The following EBF4 variants were observed in gnomAD, a reference collection of about 807,000 sequenced individuals.
The protein encoded by EBF4 is transcription factor COE4.
Under a neutral mutation model 67.1 loss-of-function variants are expected in EBF4, and 34 were observed. The observed-to-expected ratio is 0.51, with a 90% CI of 0.39 to 0.67. The LOEUF is 0.67. Among genes scored for constraint, EBF4 ranks in the 30% least tolerant of loss-of-function variants. The probability of loss-of-function intolerance (pLI) is 0.00; values close to 1 mark genes in which losing one functional copy is unlikely to be tolerated. For missense variants in EBF4, 837 were observed against 873.3 expected (o/e 0.96, Z 0.52); for synonymous variants, 387 against 377.7 (o/e 1.02, Z -0.29).
Position 2,707,423 on chromosome 20 carries a change from AG to A in EBF4, c.415-521del, listed in dbSNP as rs2087474183. 6.6e-6 allele frequency among the ~76,000 whole-genome samples: 1 copy of A among 152,130 alleles called. No homozygotes were observed. The highest frequency in any genetic ancestry group is 6.5e-5 in the Admixed American group (1 of 15,276). On this transcript the variant is annotated intron_variant, in intron 4 of 16. Transcript: ENST00000609451. The surrounding 1 kb of genome is among the most constrained non-coding windows in gnomAD (Gnocchi z 4.6). ...CCCAGGGGAAGACCGAGCCTGGGCTAGGGATGGTATGGGGGAAGAGGCGATA... is the reference window on the plus strand; with the variant it reads ...CCCAGGGGAAGACCGAGCCTGGGCTAGGATGGTATGGGGGAAGAGGCGATA...
intron 1 of EBF4, among the ~76,000 whole-genome samples, chr20:2,699,941 A>G (rs1201103962): frequency 6.6e-6 from 1 of 152,200 alleles, no homozygotes; most frequent in African/African-American, 2.4e-5. Flanking sequence ...ACCATTGGTC[A>G]AGGCTCTGCC....
At position 2,752,383 on chromosome 20, in the gene EBF4, TC is replaced by T; in HGVS notation, c.1384del (p.Arg462AlafsTer85). On this transcript the variant is annotated frameshift_variant, in exon 14 of 17. Transcript: ENST00000609451. LOFTEE classifies it high-confidence loss of function. ...CTACGCGCGCAGCTGCAGCAGCGCG[TC>T]CCCCCGCGGGTTCGCGCCCAGCCCC... 4.8e-6 allele frequency: 6 copies of T among 1,244,692 alleles called. No homozygotes were observed. Among genetic ancestry groups the T allele is most frequent in the South Asian group, 3.1e-5 (1 of 32,444 alleles). The allele number at this position is 1,244,692 out of a possible 1,614,324, so 77.1% of individuals were successfully genotyped here.
exon 2 of EBF4, chr20:2,705,711 T>A: frequency 6.4e-7 from 1 of 1,551,040 alleles, no homozygotes; most frequent in Non-Finnish European, 8.7e-7. Flanking sequence ...ACAGCCTTCA[T>A]CGACTTCGTG....
At chr20:2,723,856 C>T (rs2087716518) in intron 6 of EBF4, among the ~76,000 whole-genome samples, 1 of 151,436 alleles carries the variant, frequency 6.6e-6, no homozygotes, top group Non-Finnish European at 1.5e-5. Flanking sequence ...CTATTTGTTC[C>T]ACTTCTATGT....
At position 2,701,993 on chromosome 20, in the gene EBF4, G is replaced by T. The variant is rs188918617; in HGVS notation, c.138-3584G>T. On this transcript the variant is annotated intron_variant, in intron 1 of 16. Transcript: ENST00000609451. ...CTTAGGGCTTCCCTGCCTCTTGCTG[G>T]CTGGGGAGCGGGTGAGGGGCGATCA... 3.5e-3 allele frequency among the ~76,000 whole-genome samples: 537 copies of T among 152,320 alleles called. 2 individuals carry two copies. Among genetic ancestry groups the T allele is most frequent in the Non-Finnish European group, 5.8e-3 (394 of 68,024 alleles).
intron 6 of EBF4, among the ~76,000 whole-genome samples, chr20:2,738,834 A>G (rs920015879): frequency 1.3e-5 from 2 of 152,208 alleles, no homozygotes; most frequent in Non-Finnish European, 2.9e-5. Context: ...TGTGCATGCA[A>G]ATGCATGCAG....
intron 6 of EBF4, among the ~76,000 whole-genome samples, chr20:2,732,683 T>C (rs1319047663): frequency 6.6e-6 from 1 of 152,222 alleles, no homozygotes; most frequent in East Asian, 1.9e-4. Flanking sequence ...TGTAGTTTTC[T>C]TTTTTAATCC....
chr20:2,708,109 C>A (rs771749385), intron 5 of EBF4, 89 bp downstream of exon 5: 2 of 1,356,186 alleles, frequency 1.5e-6, no homozygotes, highest in Admixed American at 2.2e-5. Context: ...CCGCCCTTGC[C>A]CCTGGCTGCT....
At chr20:2,697,694 C>T (rs1363190252) in intron 1 of EBF4, among the ~76,000 whole-genome samples, 1 of 152,148 alleles carries the variant, frequency 6.6e-6, no homozygotes, top group Non-Finnish European at 1.5e-5. Context: ...GCACAAGGAC[C>T]CCCTGCCCCT....
chr20:2,713,208 C>T (rs2087565803), intron 6 of EBF4, among the ~76,000 whole-genome samples: 1 of 152,052 alleles, frequency 6.6e-6, no homozygotes. Context: ...AAGCAATATC[C>T]TTCAGGTGGC....
At position 2,746,779 on chromosome 20, in the gene EBF4, T is replaced by C. The variant is rs572882472; in HGVS notation, c.558-1770T>C. Among the ~76,000 whole-genome samples, 14 of 152,268 alleles carry C rather than the reference T, an allele frequency of 9.2e-5. No individual in the cohort carries two copies. The East Asian group carries it at 2.5e-3, about 27-fold the overall frequency. Reference sequence around the variant, plus strand: ...TTTGGGACTCTTGTATTTGCTTTAGTAAATAGTATGGTAAAAATATCTCCC... The same window carrying C: ...TTTGGGACTCTTGTATTTGCTTTAGCAAATAGTATGGTAAAAATATCTCCC... On this transcript the variant is annotated intron_variant, in intron 6 of 16. Transcript: ENST00000609451.
chr20:2,709,769 G>A lies in EBF4; in HGVS notation c.557+127G>A, dbSNP rs1195864732. 1.4e-5 allele frequency: 14 copies of A among 985,750 alleles called. No homozygotes were observed. In the Admixed American group the frequency reaches 2.4e-4, roughly 17 times the overall value. 61.1% of individuals were successfully genotyped at this position (985,750 alleles called of 1,614,324 possible). ...CCCCCCCGGGGCACCAGGTTGGGTGGCTCTGAGCAGAGAGGGAAACTGCCA... is the reference window on the plus strand; with the variant it reads ...CCCCCCCGGGGCACCAGGTTGGGTGACTCTGAGCAGAGAGGGAAACTGCCA... On this transcript the variant is annotated intron_variant, in intron 6 of 16. Coordinates refer to ENST00000609451, the Ensembl canonical transcript of EBF4.
At chr20:2,698,254 G>C (rs1415006644) in intron 1 of EBF4, among the ~76,000 whole-genome samples, 1 of 152,232 alleles carries the variant, frequency 6.6e-6, no homozygotes, top group African/African-American at 2.4e-5. Flanking sequence ...AGAGGGGATA[G>C]GGACCCTCCC....
At chr20:2,752,810 A>G (rs1845187631) in intron 14 of EBF4, among the ~76,000 whole-genome samples, 2 of 152,202 alleles carry the variant, frequency 1.3e-5, no homozygotes, top group Non-Finnish European at 2.9e-5. Context: ...CGTTATGCAC[A>G]TCGCTTCTAG....
chr20:2,740,242 G>A (rs4813613), intron 6 of EBF4, among the ~76,000 whole-genome samples: 52,075 of 151,978 alleles, frequency 0.34, 9,294 homozygotes, highest in Admixed American at 0.47. Flanking sequence ...GAACCCAGGA[G>A]GTGGAGGTTG....
intron 6 of EBF4, among the ~76,000 whole-genome samples, chr20:2,743,275 C>G (rs2087994843): frequency 6.6e-6 from 1 of 152,186 alleles, no homozygotes; most frequent in African/African-American, 2.4e-5. Context: ...CCCTGGTGGG[C>G]AAGGAGAGGA....
chr20:2,697,244 A>G (rs1173285323), intron 1 of EBF4, among the ~76,000 whole-genome samples: 1 of 152,106 alleles, frequency 6.6e-6, no homozygotes, highest in Non-Finnish European at 1.5e-5. Flanking sequence ...GAAAGTTCTG[A>G]GCAAAAGAGG....
In EBF4 at chr20:2,741,008, T is replaced by C. The variant is rs1288779908; in HGVS notation, c.558-7541T>C. On this transcript the variant is annotated intron_variant, in intron 6 of 16. Transcript: ENST00000609451. ...AACTCACTGTAAAGTTCCTGGACGT[T>C]GTCTTCCAAAAGAAGCTCCAGGCCA... Among the ~76,000 whole-genome samples the C allele has an allele frequency of 2.0e-5, 3 of 152,212 alleles. No individual in the cohort carries two copies. The East Asian group carries it at 5.8e-4, about 29-fold the overall frequency.
rs2087336582 is a variant in EBF4, at chr20:2,698,959, G to A, written c.137+5177G>A. 2.6e-5 allele frequency among the ~76,000 whole-genome samples: 4 copies of A among 152,132 alleles called. No individual in the cohort carries two copies. The South Asian group carries it at 8.3e-4, about 32-fold the overall frequency. ...CCTCTGTGGGATTTGAGCTGGCTGT[G>A]GTTAAATTGCTTACTATAACAAGCA... On this transcript the variant is annotated intron_variant, in intron 1 of 16. Coordinates refer to ENST00000609451, the Ensembl canonical transcript of EBF4.
Sources: allele counts gnomAD v4.1 joint callset (sites outside exome capture counted in the v4.1 genomes callset), GRCh38; gene constraint gnomAD v4.1.1; non-coding constraint Gnocchi (gnomAD v3.1); transcripts MANE v1.5; gene names NCBI Gene and HGNC (gene_info 2026-07-23, HGNC 2026-07-21).